The following PPIP5K2 variants were observed in gnomAD, a reference collection of about 807,000 sequenced individuals.
The protein encoded by PPIP5K2 is diphosphoinositol pentakisphosphate kinase 2.
In PPIP5K2, 105 loss-of-function variants were observed where a neutral mutation model predicts 154.6. The observed-to-expected ratio is 0.68, with a 90% confidence interval of 0.58 to 0.80. The LOEUF (loss-of-function observed/expected upper bound fraction) is 0.80, where lower values mean the gene tolerates loss of function less well. Among genes scored for constraint, PPIP5K2 ranks in the 30% least tolerant of loss-of-function variants. The pLI is 0.00. For missense variants in PPIP5K2, 992 were observed against 1,504.6 expected (o/e 0.66, Z 5.64); for synonymous variants, 480 against 490.3 (o/e 0.98, Z 0.28).
intron 28 of PPIP5K2, among the ~76,000 whole-genome samples, chr5:103,188,276 C>A (rs1292606848): frequency 1.3e-5 from 2 of 152,192 alleles, no homozygotes; most frequent in African/African-American, 4.8e-5. Context: ...TTGTATTATA[C>A]ATGGAATGAA....
intron 5 of PPIP5K2, among the ~76,000 whole-genome samples, chr5:103,144,103 C>A (rs1327823427): frequency 6.6e-6 from 1 of 150,798 alleles, no homozygotes; most frequent in African/African-American, 2.4e-5. Context: ...TATTAACTTA[C>A]AAAAATCCAT....
intron 16 of PPIP5K2, 71 bp from the exon 17 acceptor site, chr5:103,159,075 C>A: frequency 9.7e-7 from 1 of 1,033,406 alleles, no homozygotes; most frequent in Non-Finnish European, 1.3e-6. Flanking sequence ...TTATGAAAAT[C>A]AGTATGTAAC....
intron 1 of PPIP5K2, among the ~76,000 whole-genome samples, chr5:103,123,976 T>C (rs1286884618): frequency 1.3e-5 from 2 of 152,146 alleles, no homozygotes; most frequent in African/African-American, 4.8e-5. Flanking sequence ...GCATCTCTTA[T>C]GATGCTCATA....
At chr5:103,188,495 C>T (rs1269348349) in intron 28 of PPIP5K2, 3 of 152,104 alleles carry the variant, frequency 2.0e-5, no homozygotes, top group Admixed American at 2.0e-4. Context: ...TCATCCTCAA[C>T]AAGTAAAAAT....
At chr5:103,125,457 G>GT (rs10642392) in intron 1 of PPIP5K2, among the ~76,000 whole-genome samples, 37,739 of 143,888 alleles carry the variant, frequency 0.26, 5,188 homozygotes, top group East Asian at 0.45. Flanking sequence ...AGCCTGTTCA[G>GT]TTTTTTTTTT....
intron 29 of PPIP5K2, among the ~76,000 whole-genome samples, chr5:103,194,404 T>C (rs1554227808): frequency 6.6e-6 from 1 of 152,162 alleles, no homozygotes; most frequent in Non-Finnish European, 1.5e-5. Flanking sequence ...TCCTCCTGCC[T>C]TGCCTAACTA....
At chr5:103,166,279 A>G (rs1030184092) in intron 17 of PPIP5K2, among the ~76,000 whole-genome samples, 2 of 152,042 alleles carry the variant, frequency 1.3e-5, no homozygotes, top group African/African-American at 4.8e-5. Context: ...CCAAAGCATT[A>G]GTAGAAAACA....
intron 11 of PPIP5K2, 94 bp from the exon 12 acceptor site, chr5:103,154,576 C>A (rs1795112176): frequency 2.7e-6 from 2 of 749,908 alleles, no homozygotes; most frequent in African/African-American, 1.8e-5. Flanking sequence ...AAGTTCTAGT[C>A]CCATAGCTTA....
At position 103,210,293 on chromosome 5, in the gene PPIP5K2, C is replaced by A. The variant is rs1554232517; in HGVS notation, c.*8659C>A. 2 of 152,170 alleles carry A rather than the reference C, an allele frequency of 1.3e-5. No homozygotes were observed. The highest frequency in any genetic ancestry group is 4.8e-5 in the African/African-American group (2 of 41,444). The allele number at this position is 152,170 out of a possible 1,614,324, so 9.4% of individuals were successfully genotyped here. A position where few individuals can be genotyped will look rare whatever the true frequency, so the allele number is the denominator to read the frequency against. On this transcript the variant is annotated 3_prime_UTR_variant, in exon 31 of 31. Coordinates refer to ENST00000358359, the MANE Select transcript of PPIP5K2 (RefSeq NM_001276277.3). The stretch of plus-strand genomic sequence containing the variant: ...TGGAATCATGTGGCTGAAAATCTTA[C>A]CATATGCTTTCCACAGGCTGAGCAA...
chr5:103,167,954 C>G (rs1554218424), intron 18 of PPIP5K2, 118 bp from the exon 19 acceptor site: 1 of 634,870 alleles, frequency 1.6e-6, no homozygotes, highest in African/African-American at 1.9e-5. Context: ...AAGTAACTCT[C>G]TAACTTCATA....
chr5:103,143,686 A>G (rs1207258764), intron 5 of PPIP5K2, among the ~76,000 whole-genome samples: 1 of 152,228 alleles, frequency 6.6e-6, no homozygotes, highest in Non-Finnish European at 1.5e-5. Context: ...TACTCTCTAC[A>G]TATGATCATT....
rs1803836329 is a variant in PPIP5K2, at chr5:103,212,057, C to T, written c.*10423C>T. 1.3e-5 allele frequency: 2 copies of T among 151,800 alleles called. No homozygotes were observed. Among genetic ancestry groups the T allele is most frequent in the Admixed American group, 1.3e-4 (2 of 15,214 alleles). The allele number at this position is 151,800 out of a possible 1,614,324, so 9.4% of individuals were successfully genotyped here. On this transcript the variant is annotated 3_prime_UTR_variant, in exon 31 of 31. Transcript: ENST00000358359. ...TTGGTTTTGGTTTTGTTTTTTTGGTCAACATGAATTATAGCTAGGGGAAGA... is the reference window on the plus strand; with the variant it reads ...TTGGTTTTGGTTTTGTTTTTTTGGTTAACATGAATTATAGCTAGGGGAAGA...
In PPIP5K2 at chr5:103,124,339, T is replaced by G. The variant is rs560091162; in HGVS notation, c.-285+3851T>G. On this transcript the variant is annotated intron_variant, in intron 1 of 30. Transcript: ENST00000358359. ...ATATATCCTACTTAGGTGACAGAAA[T>G]GTATTTGAATTTATTTTATATTTTT... 1.1e-4 allele frequency among the ~76,000 whole-genome samples: 16 copies of G among 151,842 alleles called. No individual in the cohort carries two copies. In the South Asian group the frequency reaches 3.3e-3, roughly 32 times the overall value.
intron 30 of PPIP5K2, among the ~76,000 whole-genome samples, chr5:103,197,244 G>T (rs1022413238): frequency 6.6e-6 from 1 of 151,924 alleles, no homozygotes; most frequent in Non-Finnish European, 1.5e-5. Context: ...GTTTTTATAA[G>T]ATTTTTGTTT....
intron 6 of PPIP5K2, 108 bp from the exon 7 acceptor site, chr5:103,147,822 GA>G: frequency 1.5e-6 from 1 of 677,348 alleles, no homozygotes; most frequent in South Asian, 2.3e-5. Flanking sequence ...AAATGTATTT[GA>G]AAATGTCTAA....
rs114334268 is a variant in PPIP5K2, at chr5:103,131,800, T to A, written c.115-1653T>A. ...TACCTCAGATCTGTTTAAAAAATTA[T>A]CTTCATGATTTTAAGGTTTTACCTA... On this transcript the variant is annotated intron_variant, in intron 2 of 30. Transcript: ENST00000358359. Among the ~76,000 whole-genome samples the A allele has an allele frequency of 6.7e-3, 1,027 of 152,306 alleles. 7 individuals are homozygous for A. Among genetic ancestry groups the A allele is most frequent in the Non-Finnish European group, 0.013 (855 of 68,016 alleles).
At position 103,151,235 on chromosome 5, in the gene PPIP5K2, A is replaced by T. The variant is rs781805990; in HGVS notation, c.907-18A>T. 1.8e-5 allele frequency: 29 copies of T among 1,578,576 alleles called. No individual in the cohort carries two copies. In the East Asian group the frequency reaches 6.1e-4, roughly 33 times the overall value. ...TAATTTAAATAAAACCTTAAAGTTT[A>T]TAACTTATTTTAAATAGCAAACAGT... On this transcript the variant is annotated intron_variant, in intron 8 of 30. Coordinates refer to ENST00000358359, the MANE Select transcript of PPIP5K2 (RefSeq NM_001276277.3).
intron 21 of PPIP5K2, among the ~76,000 whole-genome samples, chr5:103,174,816 G>GAAGA (rs1478945334): frequency 6.6e-5 from 10 of 152,100 alleles, no homozygotes; most frequent in African/African-American, 2.4e-4. Flanking sequence ...CCTATTGTAA[G>GAAGA]AAGAGTATGT....
intron 10 of PPIP5K2, among the ~76,000 whole-genome samples, chr5:103,153,447 C>G (rs556269757): frequency 7.9e-5 from 12 of 151,818 alleles, no homozygotes; most frequent in Admixed American, 2.6e-4. Flanking sequence ...CAAAACTTAG[C>G]AAATATATAA....
Sources: allele counts gnomAD v4.1 joint callset (sites outside exome capture counted in the v4.1 genomes callset), GRCh38; gene constraint gnomAD v4.1.1; transcripts MANE v1.5; gene names NCBI Gene and HGNC (gene_info 2026-07-23, HGNC 2026-07-21).